Variants in USP10 observed in about 807,000 individuals in gnomAD.
USP10 encodes the protein ubiquitin carboxyl-terminal hydrolase 10.
In USP10, 22 loss-of-function variants were observed where a neutral mutation model predicts 84.5. That is an observed-to-expected ratio of 0.26 (90% CI 0.19 to 0.37). The LOEUF (loss-of-function observed/expected upper bound fraction) is 0.37. Among genes scored for constraint, USP10 ranks in the 10% least tolerant of loss-of-function variants. The pLI, the probability that USP10 is intolerant of heterozygous loss-of-function variation, is 1.00. For synonymous variants in USP10, 454 were observed against 387.6 expected, an observed-to-expected ratio of 1.17 and a Z score of -2.01; for missense variants, 1,019 against 998.9, an observed-to-expected ratio of 1.02 and a Z score of -0.27.
chr16:84,735,653 C>T (rs1909839079), intron 2 of USP10, among the ~76,000 whole-genome samples: 1 of 152,134 alleles, frequency 6.6e-6, no homozygotes, highest in African/African-American at 2.4e-5. Context: ...GAAAAGGGTA[C>T]AGATGGTAAG....
intron 1 of USP10, among the ~76,000 whole-genome samples, chr16:84,702,656 A>G (rs780154296): frequency 6.6e-6 from 1 of 152,178 alleles, no homozygotes; most frequent in Non-Finnish European, 1.5e-5. Flanking sequence ...TTAAAGTTAA[A>G]TTTGTCACTG....
chr16:84,747,135 G>A (rs1911325432), intron 4 of USP10, among the ~76,000 whole-genome samples: 1 of 152,190 alleles, frequency 6.6e-6, no homozygotes. Context: ...GTGACTGTAC[G>A]TACCTAAGAA....
intron 4 of USP10, among the ~76,000 whole-genome samples, chr16:84,747,603 C>T (rs1911391772): frequency 8.7e-6 from 1 of 114,584 alleles, no homozygotes; most frequent in South Asian, 2.8e-4. Context: ...CACTCTGTTG[C>T]TCAGGCTGTA....
At position 84,760,364 on chromosome 16, in the gene USP10, TCTGTCTCCAGCG is replaced by T. The variant is rs1286515407; in HGVS notation, c.1554+92_1554+103del. The T allele has an allele frequency of 2.7e-5, 32 of 1,179,470 alleles. No individual in the cohort carries two copies. The East Asian group carries it at 8.2e-4, about 30-fold the overall frequency. The allele number at this position is 1,179,470 out of a possible 1,614,324, so 73.1% of individuals were successfully genotyped here. The stretch of plus-strand genomic sequence containing the variant: ...AACTGTTGCTTATTGATATTTGCCC[TCTGTCTCCAGCG>T]CTATAAGTAGATGTAGGTTTATAAG... On this transcript the variant is annotated intron_variant, in intron 8 of 13. Coordinates refer to ENST00000219473, the MANE Select transcript of USP10 (RefSeq NM_005153.3).
intron 2 of USP10, among the ~76,000 whole-genome samples, chr16:84,736,243 G>A (rs372329595): frequency 1.3e-5 from 2 of 152,182 alleles, no homozygotes; most frequent in African/African-American, 4.8e-5. Context: ...CTTTTTCTCC[G>A]TTGTTAGGAG....
chr16:84,770,466 A>C (rs1436132198), intron 11 of USP10, among the ~76,000 whole-genome samples: 1 of 152,168 alleles, frequency 6.6e-6, no homozygotes, highest in Non-Finnish European at 1.5e-5. Context: ...GCCTTTGTTG[A>C]GTGATTAGAA....
chr16:84,741,289 T>C (rs1480713224), intron 3 of USP10, among the ~76,000 whole-genome samples: 1 of 152,194 alleles, frequency 6.6e-6, no homozygotes, highest in Non-Finnish European at 1.5e-5. Flanking sequence ...AGAGCAGATC[T>C]AACAATAGCT....
At chr16:84,754,799 C>G (rs2049902635) in intron 4 of USP10, among the ~76,000 whole-genome samples, 2 of 152,272 alleles carry the variant, frequency 1.3e-5, no homozygotes, top group Non-Finnish European at 2.9e-5. Flanking sequence ...ATTGAATGGT[C>G]AAGCCTCCAG....
chr16:84,701,569 A>G lies in USP10; in HGVS notation c.21+1458A>G, dbSNP rs141630688. On this transcript the variant is annotated intron_variant, in intron 1 of 13. Coordinates refer to ENST00000219473, the MANE Select transcript of USP10 (RefSeq NM_005153.3). ...GGTATGAACAAGTAAAAGGCTCATTATGAATTAATGTGTAATATTCCTTGT... is the reference window on the plus strand; with the variant it reads ...GGTATGAACAAGTAAAAGGCTCATTGTGAATTAATGTGTAATATTCCTTGT... Among the ~76,000 whole-genome samples, 825 of 152,366 alleles carry G rather than the reference A, an allele frequency of 5.4e-3. 8 individuals are homozygous for G. The highest frequency in any genetic ancestry group is 0.019 in the African/African-American group (794 of 41,590).
rs199532803 is a variant in USP10, at chr16:84,728,403, G to A, written c.22-5032G>A. The stretch of plus-strand genomic sequence containing the variant: ...TGCCCAGGCTGGAGTTCAGTGGTGC[G>A]ATCTCGGCTCACTGCAACCTCTGCC... On this transcript the variant is annotated intron_variant, in intron 1 of 13. Coordinates refer to ENST00000219473, the MANE Select transcript of USP10 (RefSeq NM_005153.3). Among the ~76,000 whole-genome samples the A allele has an allele frequency of 7.3e-5, 11 of 151,020 alleles. No homozygotes were observed. In the East Asian group the frequency reaches 2.1e-3, roughly 29 times the overall value.
At chr16:84,730,156 C>G (rs1037042507) in intron 1 of USP10, among the ~76,000 whole-genome samples, 1 of 152,182 alleles carries the variant, frequency 6.6e-6, no homozygotes, top group African/African-American at 2.4e-5. Context: ...GTGCTACTGT[C>G]CCAAAGGTGA....
At chr16:84,774,663 G>GAA in intron 12 of USP10, among the ~76,000 whole-genome samples, 1 of 151,966 alleles carries the variant, frequency 6.6e-6, no homozygotes, top group African/African-American at 2.4e-5. Flanking sequence ...ATAGAGACGT[G>GAA]GTTTCACTGT....
At chr16:84,715,596 T>C (rs557003327) in intron 1 of USP10, among the ~76,000 whole-genome samples, 9 of 152,144 alleles carry the variant, frequency 5.9e-5, no homozygotes, top group African/African-American at 2.2e-4. Context: ...TCCTTTTATC[T>C]CCCTTTTTGC....
chr16:84,742,950 A>C (rs1006533665), intron 3 of USP10, among the ~76,000 whole-genome samples: 3 of 152,222 alleles, frequency 2.0e-5, no homozygotes, highest in Non-Finnish European at 4.4e-5. Flanking sequence ...TCAGTCTTGC[A>C]TAAGCTGAAT....
chr16:84,747,422 A>C (rs111234366), intron 4 of USP10, among the ~76,000 whole-genome samples: 173 of 152,304 alleles, frequency 1.1e-3, no homozygotes, highest in African/African-American at 3.9e-3. Flanking sequence ...ATATATTTTT[A>C]AGAGTATTTT....
chr16:84,749,998 G>A (rs1911719064), intron 4 of USP10, among the ~76,000 whole-genome samples: 1 of 152,156 alleles, frequency 6.6e-6, no homozygotes, highest in Admixed American at 6.5e-5. Context: ...AGCCCCAAGG[G>A]AAGGATGTAT....
At chr16:84,765,060 GC>G (rs1246934208) in intron 10 of USP10, among the ~76,000 whole-genome samples, 1 of 151,352 alleles carries the variant, frequency 6.6e-6, no homozygotes, top group African/African-American at 2.4e-5. Context: ...GGGTGACAGA[GC>G]AAGACTGTCT....
intron 1 of USP10, among the ~76,000 whole-genome samples, chr16:84,730,211 C>A (rs191933526): frequency 1.4e-3 from 218 of 152,204 alleles, no homozygotes; most frequent in South Asian, 4.4e-3. Flanking sequence ...TCTCTTTATG[C>A]AGACACAAAT....
chr16:84,716,539 A>C (rs1420946497), intron 1 of USP10: 1 of 152,240 alleles, frequency 6.6e-6, no homozygotes, highest in Non-Finnish European at 1.5e-5. Flanking sequence ...ATTACTATGA[A>C]ATATGAACAG....
Sources: gnomAD v4.1 joint callset for allele counts (sites outside exome capture counted in the v4.1 genomes callset) on GRCh38, gnomAD v4.1.1 for gene constraint, MANE v1.5 for transcripts, NCBI Gene and HGNC (gene_info 2026-07-23, HGNC 2026-07-21) for gene names.